The following NDUFA1 variants were observed in gnomAD, a reference collection of about 807,000 sequenced individuals.
NDUFA1 encodes NADH:ubiquinone oxidoreductase subunit A1, also known as NADH dehydrogenase [ubiquinone] 1 alpha subcomplex subunit 1.
For synonymous variants in NDUFA1, 21 were observed against 20.0 expected (o/e 1.05, Z -0.14); for missense variants, 42 against 56.0 (o/e 0.75, Z 0.80).
At chrX:119,872,623 A>T (rs1324710827) in intron 1 of NDUFA1, among the ~76,000 whole-genome samples, 5 of 110,047 alleles carry the variant, frequency 4.5e-5, no homozygotes, top group African/African-American at 1.3e-4. Flanking sequence ...GTCTCAAAAA[A>T]AAATAAATAA....
At chrX:119,876,383 T>G (rs1321263867) in intron 2 of NDUFA1, 131 bp from the exon 3 acceptor site, 3 of 617,307 alleles carry the variant, frequency 4.9e-6, no homozygotes, top group Non-Finnish European at 8.4e-6. Context: ...TTGTTGCAGT[T>G]AGAGAAATGT....
chrX:119,874,844 G>A (rs1393320420), intron 2 of NDUFA1, among the ~76,000 whole-genome samples: 1 of 112,229 alleles, frequency 8.9e-6, no homozygotes, highest in African/African-American at 3.2e-5. Context: ...GATTACAGGC[G>A]TGAGCCCCTA....
chrX:119,872,254 G>A (rs1569466046), intron 1 of NDUFA1, among the ~76,000 whole-genome samples: 2 of 111,850 alleles, frequency 1.8e-5, no homozygotes, highest in African/African-American at 3.2e-5. Context: ...CGCGGGGGCC[G>A]GGAAGGTAGA....
chrX:119,873,200 C>G (rs865922673), intron 1 of NDUFA1, 104 bp from the exon 2 acceptor site: 5 of 625,276 alleles, frequency 8.0e-6, no homozygotes, highest in African/African-American at 6.6e-5. Flanking sequence ...TTTATTTAAA[C>G]GATGATTCCA....
rs1247510005 is a variant in NDUFA1 at position 119,876,587 on chromosome X, C to G, written c.*53C>G. 2 of 1,088,606 alleles carry G rather than the reference C, an allele frequency of 1.8e-6. No individual in the cohort carries two copies. The highest frequency in any genetic ancestry group is 3.7e-5 in the African/African-American group (2 of 54,687). 89.7% of individuals were successfully genotyped at this position (1,088,606 alleles called of 1,213,427 possible). On this transcript the variant is annotated 3_prime_UTR_variant, in exon 3 of 3. Coordinates refer to ENST00000371437, the MANE Select transcript of NDUFA1 (RefSeq NM_004541.4). ...AATAACTCAGTTATGGCCATCTACC[C>G]CTGCTAGAAGGTTACAGTGTATTAT...
Position 119,873,405 on chromosome X carries a change from C to T in NDUFA1, c.192+12C>T. The T allele has an allele frequency of 8.4e-7, 1 of 1,195,097 alleles. No homozygotes were observed. The highest frequency in any genetic ancestry group is 1.8e-5 in the South Asian group (1 of 56,618). ...ACTATGTGTCAAAGGTAAGATGCCA[C>T]TCTGATGCCAGCCTTTTGCCAGGGT... On this transcript the variant is annotated intron_variant, in intron 2 of 2. Coordinates refer to ENST00000371437, the MANE Select transcript of NDUFA1 (RefSeq NM_004541.4).
intron 2 of NDUFA1, among the ~76,000 whole-genome samples, chrX:119,873,780 T>G (rs1459570105): frequency 9.0e-6 from 1 of 111,301 alleles, no homozygotes. Context: ...CAATGTATCA[T>G]GTTTTGTTGT....
In NDUFA1 at chrX:119,876,503, C is replaced by A. The variant is rs1280917104; in HGVS notation, c.193-11C>A. 8 of 1,207,427 alleles carry A rather than the reference C, an allele frequency of 6.6e-6. No homozygotes were observed. The highest frequency in any genetic ancestry group is 3.0e-5 in the East Asian group (1 of 33,691). On this transcript the variant is annotated splice_polypyrimidine_tract_variant and intron_variant, in intron 2 of 2. Coordinates refer to ENST00000371437, the MANE Select transcript of NDUFA1 (RefSeq NM_004541.4). ...GACTTGTCACATTCTCCTTTTTAAA[C>A]TGTTTTTCAGGGTTTGGAGAACATT...
At chrX:119,872,042 T>C (rs781598209) in intron 1 of NDUFA1, 29 bp downstream of exon 1, 3 of 1,167,911 alleles carry the variant, frequency 2.6e-6, no homozygotes, top group African/African-American at 3.5e-5. Flanking sequence ...GGGGGCCGAC[T>C]CCACGGGCTG....
intron 2 of NDUFA1, among the ~76,000 whole-genome samples, chrX:119,875,317 C>CTTTTTTTTTTTTTTATTTTTT (rs2056432452): frequency 1.7e-5 from 1 of 59,623 alleles, no homozygotes; most frequent in African/African-American, 7.4e-5. Flanking sequence ...ACTGATGAGT[C>CTTTTTTTTTTTTTTATTTTTT]TTTTTTTTTT....
chrX:119,871,867 T>G lies in NDUFA1; in HGVS notation c.-45T>G. 8.4e-7 allele frequency: 1 copy of G among 1,186,715 alleles called. No individual in the cohort carries two copies. The highest frequency in any genetic ancestry group is 1.1e-6 in the Non-Finnish European group (1 of 872,220). The stretch of plus-strand genomic sequence containing the variant: ...AAGAGAGGCGAAGCCAGGTCACCTT[T>G]CAAGGACCCAGAAGTAGGGTTTTGG... On this transcript the variant is annotated 5_prime_UTR_variant, in exon 1 of 3. Coordinates refer to ENST00000371437, the MANE Select transcript of NDUFA1 (RefSeq NM_004541.4).
In NDUFA1 at chrX:119,872,031, CG is replaced by C. The variant is rs1444224723; in HGVS notation, c.102+23del. ...GGGGCAAGGTAAGCCGGCTTCGGCC[CG>C]GGGGCCGACTCCACGGGCTGATTTC... On this transcript the variant is annotated intron_variant, in intron 1 of 2. Transcript: ENST00000371437. 1.7e-6 allele frequency: 2 copies of C among 1,189,203 alleles called. No homozygotes were observed. Among genetic ancestry groups the C allele is most frequent in the Non-Finnish European group, 2.3e-6 (2 of 874,694 alleles).
At chrX:119,874,194 C>T (rs113436529) in intron 2 of NDUFA1, among the ~76,000 whole-genome samples, 9,075 of 105,198 alleles carry the variant, frequency 0.086, 402 homozygotes, top group Middle Eastern at 0.18. Flanking sequence ...GGCAGGAGGA[C>T]AGCTTGAGCC....
At position 119,876,610 on chromosome X, in the gene NDUFA1, T is replaced by A; in HGVS notation, c.*76T>A. The stretch of plus-strand genomic sequence containing the variant: ...CCCCTGCTAGAAGGTTACAGTGTAT[T>A]ATGTAGCATGCAATGTGTTATGTAG... On this transcript the variant is annotated 3_prime_UTR_variant, in exon 3 of 3. Transcript: ENST00000371437. 1 of 941,029 alleles carries A rather than the reference T, an allele frequency of 1.1e-6. No homozygotes were observed. Among genetic ancestry groups the A allele is most frequent in the Middle Eastern group, 2.9e-4 (1 of 3,403 alleles). 77.6% of individuals were successfully genotyped at this position (941,029 alleles called of 1,213,427 possible).
intron 2 of NDUFA1, among the ~76,000 whole-genome samples, chrX:119,874,167 G>C (rs371974201): frequency 3.7e-5 from 4 of 108,670 alleles, no homozygotes; most frequent in African/African-American, 1.3e-4. Flanking sequence ...AGTAGTCCTA[G>C]CTACTCAGAA....
Position 119,872,096 on chromosome X carries a change from A to AC in NDUFA1, c.102+86dup, listed in dbSNP as rs1168146591. ...GGGCAGGGAGACCGTCAGCCTGCGA[A>AC]CCCTCTCTCCGAGGTCGGCCCTCTA... On this transcript the variant is annotated intron_variant, in intron 1 of 2. Coordinates refer to ENST00000371437, the MANE Select transcript of NDUFA1 (RefSeq NM_004541.4). The AC allele has an allele frequency of 8.2e-6, 8 of 980,356 alleles. No homozygotes were observed. In the East Asian group the frequency reaches 2.5e-4, roughly 30 times the overall value. The allele number at this position is 980,356 out of a possible 1,213,427, so 80.8% of individuals were successfully genotyped here.
At chrX:119,873,283 A>G (rs2056423400) in intron 1 of NDUFA1, 21 bp from the exon 2 acceptor site, 2 of 1,174,306 alleles carry the variant, frequency 1.7e-6, no homozygotes, top group East Asian at 5.9e-5. Flanking sequence ...AACTGCAACA[A>G]TAATTGTCTC....
chrX:119,871,898 G>C lies in NDUFA1; in HGVS notation c.-14G>C. The stretch of plus-strand genomic sequence containing the variant: ...ACCCAGAAGTAGGGTTTTGGCCTAG[G>C]TAACGGGGCAGAGATGTGGTTCGAG... On this transcript the variant is annotated 5_prime_UTR_variant, in exon 1 of 3. Transcript: ENST00000371437. 1 of 1,208,884 alleles carries C rather than the reference G, an allele frequency of 8.3e-7. No homozygotes were observed. Among genetic ancestry groups the C allele is most frequent in the South Asian group, 1.8e-5 (1 of 56,968 alleles).
At chrX:119,873,544 TTC>T (rs2056424739) in intron 2 of NDUFA1, 151 bp downstream of exon 2, 1 of 404,375 alleles carries the variant, frequency 2.5e-6, no homozygotes, top group Non-Finnish European at 4.3e-6. Flanking sequence ...TCTTTTATAT[TTC>T]TTTTTTTTTT....
Sources: gnomAD v4.1 joint callset for allele counts (sites outside exome capture counted in the v4.1 genomes callset) on GRCh38, gnomAD v4.1.1 for gene constraint, MANE v1.5 for transcripts, NCBI Gene and HGNC (gene_info 2026-07-23, HGNC 2026-07-21) for gene names.